ZDHHC11B: variants seen among roughly 807,000 people sequenced by gnomAD.
The protein encoded by ZDHHC11B is zDHHC palmitoyltransferase 11B (putative).
In ZDHHC11B, 17 loss-of-function variants were observed where a neutral mutation model predicts 42.3. The observed-to-expected ratio is 0.40, with a 90% CI of 0.27 to 0.60. The LOEUF is 0.60. Among genes scored for constraint, ZDHHC11B ranks in the 20% least tolerant of loss-of-function variants. The probability of loss-of-function intolerance (pLI) is 0.41; values close to 1 mark genes in which losing one functional copy is unlikely to be tolerated. For missense variants in ZDHHC11B, 262 were observed against 463.2 expected, an observed-to-expected ratio of 0.57 and a Z score of 3.99; for synonymous variants, 123 against 193.5, an observed-to-expected ratio of 0.64 and a Z score of 3.02.
rs183666382 is a variant in ZDHHC11B at position 751,141 on chromosome 5, C to A, written c.620G>T (p.Arg207Met). The change falls in exon 7 of 14, where the codon AGG (arginine) becomes ATG (methionine). Residue 207 changes from arginine to methionine, a missense_variant. Transcript: ENST00000508859. Reference protein sequence around the residue: ...VNPRVLRTDPRYEDVKNMNTW... With the variant: ...VNPRVLRTDPMYEDVKNMNTW... ...GAGCGGCGGCCACGTACCTTCATAC[C>A]TGGGGTCCGTGCGGAGCACCCTGGG... 0.13 allele frequency: 159,940 copies of A among 1,189,380 alleles called. 16,322 individuals carry two copies. Among genetic ancestry groups the A allele is most frequent in the African/African-American group, 0.39 (18,301 of 47,092 alleles). 73.7% of individuals were successfully genotyped at this position (1,189,380 alleles called of 1,614,324 possible).
intron 1 of ZDHHC11B, among the ~76,000 whole-genome samples, chr5:776,367 GCTGA>G (rs1561203604): frequency 6.6e-6 from 1 of 151,846 alleles, no homozygotes; most frequent in African/African-American, 2.4e-5. Flanking sequence ...GACCCAGGTC[GCTGA>G]CTGAGGGAGT....
At chr5:754,210 AG>A (rs1746211482) in intron 6 of ZDHHC11B, among the ~76,000 whole-genome samples, 2 of 99,056 alleles carry the variant, frequency 2.0e-5, no homozygotes, top group African/African-American at 3.4e-5. Flanking sequence ...CACCATGCTC[AG>A]GGGAAACACG....
At chr5:765,868 G>C (rs992819245) in intron 4 of ZDHHC11B, among the ~76,000 whole-genome samples, 2 of 151,934 alleles carry the variant, frequency 1.3e-5, no homozygotes, top group South Asian at 2.1e-4. Context: ...CTTCATTCTT[G>C]AAGTTGGTGA....
chr5:713,545 T>C (rs1335589347), intron 13 of ZDHHC11B, among the ~76,000 whole-genome samples: 1 of 152,040 alleles, frequency 6.6e-6, no homozygotes, highest in African/African-American at 2.4e-5. Context: ...TTTGTAGTTT[T>C]ATTTGTGAGA....
Position 764,613 on chromosome 5 carries a change from G to C in ZDHHC11B, c.222+2085C>G, listed in dbSNP as rs113726557. On this transcript the variant is annotated intron_variant, in intron 4 of 13. Transcript: ENST00000508859. ...TGCCTCCCTGCGGGGCAGGGCTCAG[G>C]ACCTGCAGCCCGCCATGCCTGAGCC... Among the ~76,000 whole-genome samples, 26 of 152,030 alleles carry C rather than the reference G, an allele frequency of 1.7e-4. 3 individuals are homozygous for C. The highest frequency in any genetic ancestry group is 6.3e-4 in the African/African-American group (26 of 41,470).
intron 12 of ZDHHC11B, among the ~76,000 whole-genome samples, chr5:728,989 G>T (rs1188883203): frequency 6.7e-6 from 1 of 149,198 alleles, no homozygotes; most frequent in Non-Finnish European, 1.5e-5. Context: ...CTGCAGCCTG[G>T]GTGACAGAGA....
At chr5:770,669 C>G in intron 1 of ZDHHC11B, among the ~76,000 whole-genome samples, 1 of 152,040 alleles carries the variant, frequency 6.6e-6, no homozygotes, top group Non-Finnish European at 1.5e-5. Flanking sequence ...TTAGATGGAG[C>G]TTTAGGCTGG....
At chr5:745,455 A>T (rs1457181443) in intron 8 of ZDHHC11B, among the ~76,000 whole-genome samples, 157 bp from the exon 9 acceptor site, 1 of 149,670 alleles carries the variant, frequency 6.7e-6, no homozygotes, top group Non-Finnish European at 1.5e-5. Context: ...GGTCAGGATG[A>T]GTGCAGATGC....
chr5:713,109 T>C (rs1322555074), intron 13 of ZDHHC11B, among the ~76,000 whole-genome samples: 10 of 151,086 alleles, frequency 6.6e-5, no homozygotes, highest in African/African-American at 2.4e-4. Context: ...ATTTTCTCTC[T>C]TTTCTCTTTC....
intron 11 of ZDHHC11B, chr5:732,753 G>C: frequency 2.6e-6 from 1 of 379,422 alleles, no homozygotes; most frequent in South Asian, 2.0e-5. Flanking sequence ...CCTGTGGCCT[G>C]GCATGGAGGC....
intron 1 of ZDHHC11B, among the ~76,000 whole-genome samples, chr5:769,818 G>C (rs1348514404): frequency 6.6e-6 from 1 of 151,968 alleles, no homozygotes; most frequent in Non-Finnish European, 1.5e-5. Context: ...CAGCACTCTG[G>C]TCTTTGCTGA....
intron 4 of ZDHHC11B, among the ~76,000 whole-genome samples, chr5:766,181 T>C (rs1308278565): frequency 6.6e-6 from 1 of 151,684 alleles, no homozygotes; most frequent in Non-Finnish European, 1.5e-5. Flanking sequence ...TGGAAGATGA[T>C]GGGAGCAGAC....
intron 12 of ZDHHC11B, among the ~76,000 whole-genome samples, chr5:717,427 TG>T (rs1195840232): frequency 1.3e-5 from 2 of 151,650 alleles, no homozygotes; most frequent in Non-Finnish European, 2.9e-5. Flanking sequence ...TCCAGAGGGT[TG>T]GGGATCCGGC....
chr5:766,766 G>T lies in ZDHHC11B; in HGVS notation c.154C>A (p.Leu52Ile). 6.2e-7 allele frequency: 1 copy of T among 1,612,502 alleles called. No individual in the cohort carries two copies. ...AAGATCCTGAAGGTGGCCAAGGAAA[G>T]GCCAACGAAGACAGCCCAAGTCACC... ...RVVTWAVFVG[L>I]SLATFRIFIP... The change falls in exon 4 of 14, where the codon CTT becomes ATT. Residue 52 changes from leucine to isoleucine, a missense_variant. Leu to Ile is a conservative substitution (Grantham distance 5, BLOSUM62 2). This residue lies in a region of ZDHHC11B where 97 missense variants were observed against 98.1 expected (regional missense o/e 0.99). Coordinates refer to ENST00000508859, the MANE Select transcript of ZDHHC11B (RefSeq NM_001351303.2).
chr5:771,532 G>T (rs1313601387), intron 1 of ZDHHC11B, among the ~76,000 whole-genome samples: 17 of 151,354 alleles, frequency 1.1e-4, no homozygotes, highest in Admixed American at 2.0e-4. Context: ...GGCCGTCTGG[G>T]GGCAGGATCC....
intron 4 of ZDHHC11B, among the ~76,000 whole-genome samples, chr5:758,605 T>C (rs1425926015): frequency 6.6e-6 from 1 of 151,616 alleles, no homozygotes; most frequent in Non-Finnish European, 1.5e-5. Context: ...TCCCCAAACC[T>C]GCAGGCGCCA....
intron 1 of ZDHHC11B, among the ~76,000 whole-genome samples, chr5:776,860 G>A (rs1437911659): frequency 7.9e-5 from 12 of 151,864 alleles, no homozygotes; most frequent in African/African-American, 2.7e-4. Context: ...TTGGCAGATG[G>A]TTCTTGTTTT....
chr5:725,041 C>G (rs1742473656), intron 12 of ZDHHC11B, among the ~76,000 whole-genome samples: 1 of 150,654 alleles, frequency 6.6e-6, no homozygotes, highest in Non-Finnish European at 1.5e-5. Flanking sequence ...GATTCACAGG[C>G]TGAAGTCCTA....
chr5:747,863 C>T (rs28572494), intron 8 of ZDHHC11B: 103,697 of 185,024 alleles, frequency 0.56, 26,224 homozygotes, highest in African/African-American at 0.68. Context: ...ACACAGGTTT[C>T]CTTGGGGCTG....
Sources: gnomAD v4.1 joint callset for allele counts (sites outside exome capture counted in the v4.1 genomes callset) on GRCh38, gnomAD v4.1.1 for gene constraint, gnomAD v4.1.1 regional missense constraint, MANE v1.5 for transcripts, NCBI Gene and HGNC (gene_info 2026-07-23, HGNC 2026-07-21) for gene names.